The following PTPRN2 variants were observed in gnomAD, a reference collection of about 807,000 sequenced individuals.
The protein encoded by PTPRN2 is receptor-type tyrosine-protein phosphatase N2.
In PTPRN2, 74 loss-of-function variants were observed where a neutral mutation model predicts 118.8. The observed-to-expected ratio is 0.62, with a 90% CI of 0.52 to 0.76. PTPRN2 has a LOEUF of 0.76. PTPRN2 is among the 30% of genes least tolerant of loss of function. PTPRN2 has a pLI of 0.00. For missense variants in PTPRN2, 1,481 were observed against 1,394.4 expected, an observed-to-expected ratio of 1.06 and a Z score of -0.99; for synonymous variants, 641 against 608.0, an observed-to-expected ratio of 1.05 and a Z score of -0.80.
At chr7:158,312,722 T>C (rs1801944886) in intron 3 of PTPRN2, among the ~76,000 whole-genome samples, 1 of 21,554 alleles carries the variant, frequency 4.6e-5, no homozygotes, top group African/African-American at 1.0e-4. Flanking sequence ...CACATATAGA[T>C]ACCCACACAC....
chr7:157,765,507 TTCC>T (rs1428608465), intron 12 of PTPRN2, among the ~76,000 whole-genome samples: 2 of 145,134 alleles, frequency 1.4e-5, no homozygotes, highest in Non-Finnish European at 3.0e-5. Context: ...CCATCCATCC[TTCC>T]TCCATCCATT....
intron 12 of PTPRN2, among the ~76,000 whole-genome samples, chr7:157,735,808 C>T (rs1800261706): frequency 1.3e-5 from 2 of 152,186 alleles, no homozygotes; most frequent in Non-Finnish European, 2.9e-5. Context: ...TCCTGGCAGG[C>T]AGTGGCTGAG....
chr7:158,313,528 T>G (rs935958776), intron 3 of PTPRN2, among the ~76,000 whole-genome samples: 1 of 152,186 alleles, frequency 6.6e-6, no homozygotes, highest in Non-Finnish European at 1.5e-5. Context: ...TGAGCAAGAC[T>G]GGAGATGCAG....
intron 2 of PTPRN2, among the ~76,000 whole-genome samples, chr7:158,386,791 C>A (rs1288413237): frequency 6.6e-6 from 1 of 152,226 alleles, no homozygotes; most frequent in African/African-American, 2.4e-5. Flanking sequence ...ACTCCCAGCT[C>A]TTGCTGTGGT....
chr7:158,032,798 C>T lies in PTPRN2; in HGVS notation c.1723+48500G>A, dbSNP rs191119426. 2.5e-3 allele frequency among the ~76,000 whole-genome samples: 375 copies of T among 152,286 alleles called. 2 individuals carry two copies. Among genetic ancestry groups the T allele is most frequent in the African/African-American group, 8.7e-3 (361 of 41,554 alleles). ...GAGCAGAGTAAACCCAGGACCACAA[C>T]GGCCCCACGTCCAGCACCGTGTGGA... is the stretch of plus-strand genomic sequence containing the variant. On this transcript the variant is annotated intron_variant, in intron 11 of 22. Coordinates refer to ENST00000389418, the MANE Select transcript of PTPRN2 (RefSeq NM_002847.5).
At position 157,542,278 on chromosome 7, in the gene PTPRN2, C is replaced by A. The variant is rs1025143946; in HGVS notation, c.2977-1493G>T. 2.0e-5 allele frequency among the ~76,000 whole-genome samples: 3 copies of A among 152,250 alleles called. No homozygotes were observed. The South Asian group carries it at 6.2e-4, about 31-fold the overall frequency. ...TACACAACAGCCATTCAGACCATTT[C>A]TTCCCCAGTGCTGGGCTGCCAGTGC... On this transcript the variant is annotated intron_variant, in intron 22 of 22. Transcript: ENST00000389418.
chr7:157,569,073 G>C, intron 20 of PTPRN2, 107 bp from the exon 21 acceptor site: 1 of 1,102,126 alleles, frequency 9.1e-7, no homozygotes, highest in Non-Finnish European at 1.4e-6. Context: ...GGGCCGGCGA[G>C]AGGAAAGGAT....
intron 2 of PTPRN2, among the ~76,000 whole-genome samples, chr7:158,452,339 G>T (rs1818143274): frequency 1.3e-5 from 2 of 152,344 alleles, no homozygotes; most frequent in Admixed American, 6.5e-5. Context: ...TATTCAGAGA[G>T]AATTCATATC....
In PTPRN2 at chr7:157,545,208, A is replaced by C. The variant is rs538698571; in HGVS notation, c.2976+3738T>G. On this transcript the variant is annotated intron_variant, in intron 22 of 22. Transcript: ENST00000389418. The stretch of plus-strand genomic sequence containing the variant: ...GTGGGTGTCTGTGGGTGTGTGTGCA[A>C]TGTGTGGGTGTGCGCAGTGTCCGTG... Among the ~76,000 whole-genome samples, 385 of 126,036 alleles carry C rather than the reference A, an allele frequency of 3.1e-3. 1 individual carries two copies. The highest frequency in any genetic ancestry group is 0.011 in the African/African-American group (364 of 32,134). The allele number at this position is 126,036 out of a possible 152,430, so 82.7% of individuals were successfully genotyped here.
intron 1 of PTPRN2, among the ~76,000 whole-genome samples, chr7:158,584,400 G>T (rs113764575): frequency 2.2e-4 from 34 of 152,290 alleles, no homozygotes; most frequent in African/African-American, 6.0e-4. Context: ...AGAGAAAGGC[G>T]GGCCGGTCGG....
intron 1 of PTPRN2, among the ~76,000 whole-genome samples, chr7:158,492,540 A>T (rs916783921): frequency 7.9e-5 from 12 of 152,290 alleles, no homozygotes; most frequent in African/African-American, 2.9e-4. Flanking sequence ...GCCCAACCTG[A>T]TTCGTTACTC....
intron 11 of PTPRN2, among the ~76,000 whole-genome samples, chr7:158,014,611 C>G (rs550559042): frequency 2.6e-5 from 4 of 152,088 alleles, no homozygotes; most frequent in African/African-American, 9.7e-5. Flanking sequence ...TTCCACCCAT[C>G]CCTCATCCAT....
chr7:157,924,491 C>T (rs1390977811), intron 11 of PTPRN2, among the ~76,000 whole-genome samples: 2 of 152,234 alleles, frequency 1.3e-5, no homozygotes, highest in South Asian at 2.1e-4. Context: ...GCCCCATCCA[C>T]AGGGCCCTGC....
At chr7:158,251,288 C>T (rs1796639112) in intron 3 of PTPRN2, among the ~76,000 whole-genome samples, 2 of 152,176 alleles carry the variant, frequency 1.3e-5, no homozygotes, top group South Asian at 4.1e-4. Context: ...AGGAGAACCT[C>T]GCCTTTCTCC....
At chr7:157,946,945 T>C (rs112147062) in intron 11 of PTPRN2, among the ~76,000 whole-genome samples, 4 of 151,900 alleles carry the variant, frequency 2.6e-5, no homozygotes, top group African/African-American at 9.7e-5. Context: ...GAATCAGGGG[T>C]CTCTATCCAT....
At chr7:157,756,204 G>A (rs1266693201) in intron 12 of PTPRN2, among the ~76,000 whole-genome samples, 1 of 152,180 alleles carries the variant, frequency 6.6e-6, no homozygotes, top group East Asian at 1.9e-4. Flanking sequence ...TTCCAAAAGA[G>A]TTTCCATGAA....
chr7:158,149,075 C>A (rs1208808435), intron 6 of PTPRN2, among the ~76,000 whole-genome samples: 223 of 122,934 alleles, frequency 1.8e-3, no homozygotes, highest in East Asian at 3.2e-3. Context: ...CGTGTCATTC[C>A]CCCTCACTGA....
At chr7:157,855,626 A>G (rs1000448293) in intron 12 of PTPRN2, among the ~76,000 whole-genome samples, 1 of 152,330 alleles carries the variant, frequency 6.6e-6, no homozygotes, top group East Asian at 1.9e-4. Context: ...GGATGTCAGG[A>G]ATAGCCCTCA....
chr7:158,304,964 A>G (rs1375973584), intron 3 of PTPRN2, among the ~76,000 whole-genome samples: 7 of 152,226 alleles, frequency 4.6e-5, no homozygotes, highest in Admixed American at 6.5e-5. Context: ...TCGCAGAAAT[A>G]TATTTTGGGG....
Sources: gnomAD v4.1 joint callset for allele counts (sites outside exome capture counted in the v4.1 genomes callset) on GRCh38, gnomAD v4.1.1 for gene constraint, MANE v1.5 for transcripts, NCBI Gene and HGNC (gene_info 2026-07-23, HGNC 2026-07-21) for gene names.